The following PCDHGA4 variants were observed in gnomAD, a reference collection of about 807,000 sequenced individuals.
PCDHGA4 encodes the protein protocadherin gamma subfamily A, 4.
In PCDHGA4, 38 loss-of-function variants were observed where a neutral mutation model predicts 54.6. The observed-to-expected ratio is 0.70, with a 90% CI of 0.54 to 0.91. The LOEUF is 0.91. Ranked by LOEUF, PCDHGA4 falls within the 40% of genes least tolerant of loss-of-function variation. The pLI is 0.00. For missense variants in PCDHGA4, 1,298 were observed against 1,220.9 expected (o/e 1.06, Z -0.94); for synonymous variants, 511 against 512.9 (o/e 1.00, Z 0.05).
chr5:141,415,602 A>G (rs1208876851), intron 1 of PCDHGA4: 2 of 1,613,602 alleles, frequency 1.2e-6, no homozygotes, highest in African/African-American at 2.7e-5. Flanking sequence ...AGGATACCCC[A>G]TTGGTTCCAG....
intron 1 of PCDHGA4, chr5:141,410,184 A>G: frequency 6.2e-7 from 1 of 1,613,918 alleles, no homozygotes; most frequent in Non-Finnish European, 8.5e-7. Flanking sequence ...GCCACGCTTC[A>G]TCTGGTCTTC....
In PCDHGA4 at chr5:141,450,775, C is replaced by T. The variant is rs561501224; in HGVS notation, c.2515-44032C>T. ...GTGCCGGGATTACAGGCATGAGCCA[C>T]CGTGCCCGGACCTCATGATTGTATT... On this transcript the variant is annotated intron_variant, in intron 1 of 3. Coordinates refer to ENST00000571252, the MANE Select transcript of PCDHGA4 (RefSeq NM_018917.4). Among the ~76,000 whole-genome samples the T allele has an allele frequency of 2.3e-3, 352 of 151,748 alleles. 1 individual carries two copies. The highest frequency in any genetic ancestry group is 4.5e-3 in the Non-Finnish European group (306 of 67,958).
intron 1 of PCDHGA4, among the ~76,000 whole-genome samples, chr5:141,449,281 G>A (rs1051064124): frequency 6.6e-6 from 1 of 151,946 alleles, no homozygotes; most frequent in Non-Finnish European, 1.5e-5. Context: ...TCCTTCACCC[G>A]GATGCACCGG....
At chr5:141,447,178 C>T (rs1258561542) in intron 1 of PCDHGA4, among the ~76,000 whole-genome samples, 2 of 152,094 alleles carry the variant, frequency 1.3e-5, no homozygotes, top group Middle Eastern at 3.4e-3. Context: ...TTGCTCTTGT[C>T]GCGCAGGCTG....
intron 1 of PCDHGA4, among the ~76,000 whole-genome samples, chr5:141,435,383 G>A (rs1057246190): frequency 6.6e-6 from 1 of 152,016 alleles, no homozygotes; most frequent in South Asian, 2.1e-4. Flanking sequence ...ACAATATACC[G>A]TATTGCCATG....
At chr5:141,433,995 C>G (rs995723859) in intron 1 of PCDHGA4, among the ~76,000 whole-genome samples, 1 of 152,028 alleles carries the variant, frequency 6.6e-6, no homozygotes, top group Non-Finnish European at 1.5e-5. Context: ...GTTTTATATT[C>G]TCTATATATG....
intron 1 of PCDHGA4, chr5:141,413,855 C>A: frequency 3.7e-6 from 6 of 1,613,324 alleles, no homozygotes; most frequent in Non-Finnish European, 5.1e-6. Flanking sequence ...CCTCTCCGAT[C>A]TGGCACTGTC....
intron 1 of PCDHGA4, chr5:141,440,169 C>A (rs891186588): frequency 1.3e-5 from 2 of 152,218 alleles, no homozygotes; most frequent in Non-Finnish European, 2.9e-5. Flanking sequence ...TGGGCCATAA[C>A]GCTTTGAAAT....
chr5:141,364,450 C>T, intron 1 of PCDHGA4: 3 of 1,613,980 alleles, frequency 1.9e-6, no homozygotes, highest in Non-Finnish European at 2.5e-6. Context: ...AGGAGCTGGA[C>T]AAAGGCTCCT....
At chr5:141,361,130 G>C (rs1352888384) in intron 1 of PCDHGA4, 1 of 1,613,886 alleles carries the variant, frequency 6.2e-7, no homozygotes, top group African/African-American at 1.3e-5. Context: ...GCCCACTGCA[G>C]TATCCAAGTT....
chr5:141,414,550 G>C, intron 1 of PCDHGA4: 1 of 1,613,948 alleles, frequency 6.2e-7, no homozygotes, highest in Non-Finnish European at 8.5e-7. Context: ...CTTCTCTCAA[G>C]TCTCCTACTT....
rs1241364219 is a variant in PCDHGA4, at chr5:141,356,869, G to A, written c.1762G>A (p.Asp588Asn). Residue 588 changes from aspartate to asparagine, a missense_variant, in exon 1 of 4, where the codon GAC (aspartate) becomes AAC (asparagine). Coordinates refer to ENST00000571252, the MANE Select transcript of PCDHGA4 (RefSeq NM_018917.4). The part of the protein sequence containing the change: ...SLSLFVLDQN[D>N]NVPEILYPTF... ...GAGCCTCTTTGTGCTGGACCAGAAC[G>A]ACAATGTCCCTGAGATCCTGTACCC... The A allele has an allele frequency of 5.6e-6, 9 of 1,614,064 alleles. No individual in the cohort carries two copies. The highest frequency in any genetic ancestry group is 3.3e-5 in the Admixed American group (2 of 60,012).
At chr5:141,441,073 G>A (rs1591647632) in intron 1 of PCDHGA4, 1 of 152,152 alleles carries the variant, frequency 6.6e-6, no homozygotes, top group Non-Finnish European at 1.5e-5. Flanking sequence ...AATTTCCATG[G>A]TTTTGGTAGC....
chr5:141,392,615 C>A (rs2092564205), intron 1 of PCDHGA4: 1 of 536,798 alleles, frequency 1.9e-6, no homozygotes, highest in Non-Finnish European at 3.2e-6. Context: ...CAAATGCAAC[C>A]GAAAACACTC....
At chr5:141,409,531 T>C (rs2095279232) in intron 1 of PCDHGA4, 1 of 1,613,870 alleles carries the variant, frequency 6.2e-7, no homozygotes, top group Non-Finnish European at 8.5e-7. Context: ...TGTATGTCGC[T>C]GACATCAACG....
At chr5:141,383,630 T>A in intron 1 of PCDHGA4, 3 of 1,613,986 alleles carry the variant, frequency 1.9e-6, no homozygotes, top group Non-Finnish European at 1.7e-6. Context: ...GTCTTCTCTC[T>A]GCCTCAGTAC....
In PCDHGA4 at chr5:141,475,977, A is replaced by G. The variant is rs369460464; in HGVS notation, c.2515-18830A>G. The stretch of plus-strand genomic sequence containing the variant: ...CCCCGGGATGAGGCAGAGACTGAAC[A>G]GCCGGCGAGCAAATCAACGGCATCC... On this transcript the variant is annotated intron_variant, in intron 1 of 3. Transcript: ENST00000571252. The G allele has an allele frequency of 2.2e-5, 21 of 972,826 alleles. No individual in the cohort carries two copies. The South Asian group carries it at 2.8e-4, about 13-fold the overall frequency. 60.3% of individuals were successfully genotyped at this position (972,826 alleles called of 1,614,324 possible).
At position 141,370,581 on chromosome 5, in the gene PCDHGA4, A is replaced by G. The variant is rs750222191; in HGVS notation, c.2514+12960A>G. 6.2e-6 allele frequency: 10 copies of G among 1,613,758 alleles called. No homozygotes were observed. The Admixed American group carries it at 1.0e-4, about 16-fold the overall frequency. ...GGGGTTTGGCGTGGGGGATTTACCT[A>G]CTAGGAACCTGCGGGTTATTGCAGA... On this transcript the variant is annotated intron_variant, in intron 1 of 3. Coordinates refer to ENST00000571252, the MANE Select transcript of PCDHGA4 (RefSeq NM_018917.4).
chr5:141,394,608 G>A lies in PCDHGA4; in HGVS notation c.2514+36987G>A, dbSNP rs749049825. 15 of 1,613,420 alleles carry A rather than the reference G, an allele frequency of 9.3e-6. No homozygotes were observed. The African/African-American group carries it at 1.9e-4, about 20-fold the overall frequency. ...GGTGGTGGCGGTGGACAGAGACTCGGGCCAGAACGCCTGGCTGTCCTACCG... is the reference window on the plus strand; with the variant it reads ...GGTGGTGGCGGTGGACAGAGACTCGAGCCAGAACGCCTGGCTGTCCTACCG... On this transcript the variant is annotated intron_variant, in intron 1 of 3. Transcript: ENST00000571252.
Sources: gnomAD v4.1 joint callset for allele counts (sites outside exome capture counted in the v4.1 genomes callset) on GRCh38, gnomAD v4.1.1 for gene constraint, MANE v1.5 for transcripts, NCBI Gene and HGNC (gene_info 2026-07-23, HGNC 2026-07-21) for gene names.